ZFP82: variants seen among roughly 807,000 people sequenced by gnomAD.
ZFP82 encodes the protein zinc finger protein 82 homolog.
ZFP82 carries 30 observed loss-of-function variants against 54.0 expected under a neutral mutation model. The ratio of observed to expected loss-of-function variants is 0.56; its 90% confidence interval spans 0.42 to 0.75. The LOEUF (loss-of-function observed/expected upper bound fraction) is 0.75. ZFP82 is among the 30% of genes least tolerant of loss of function. The pLI is 0.00. For missense variants in ZFP82, 500 were observed against 636.8 expected (o/e 0.79, Z 2.31); for synonymous variants, 194 against 209.5 (o/e 0.93, Z 0.64).
In ZFP82 at chr19:36,391,300, T is replaced by C. The variant is rs2032195395; in HGVS notation, c.*1441A>G. 1 of 152,124 alleles carries C rather than the reference T, an allele frequency of 6.6e-6. No homozygotes were observed. Among genetic ancestry groups the C allele is most frequent in the Non-Finnish European group, 1.5e-5 (1 of 67,978 alleles). 9.4% of individuals were successfully genotyped at this position (152,124 alleles called of 1,614,324 possible). On this transcript the variant is annotated 3_prime_UTR_variant, in exon 5 of 5. Coordinates refer to ENST00000392161, the MANE Select transcript of ZFP82 (RefSeq NM_133466.4). ...TGATAAAAGGACACAGGAGCCAATT[T>C]GAGGGGATTGCCTCAAAATGCTAAA... is the stretch of plus-strand genomic sequence containing the variant.
rs1235707625 is a variant in ZFP82 at position 36,391,292 on chromosome 19, A to G, written c.*1449T>C. On this transcript the variant is annotated 3_prime_UTR_variant, in exon 5 of 5. Transcript: ENST00000392161. Reference sequence around the variant, plus strand: ...AGTGGTCATGATAAAAGGACACAGGAGCCAATTTGAGGGGATTGCCTCAAA... The same window carrying G: ...AGTGGTCATGATAAAAGGACACAGGGGCCAATTTGAGGGGATTGCCTCAAA... 1.3e-5 allele frequency: 2 copies of G among 152,074 alleles called. No homozygotes were observed. The highest frequency in any genetic ancestry group is 3.9e-4 in the East Asian group (2 of 5,170). 9.4% of individuals were successfully genotyped at this position (152,074 alleles called of 1,614,324 possible). A position where few individuals can be genotyped will look rare whatever the true frequency, so the allele number is the denominator to read the frequency against.
downstream of ZFP82, among the ~76,000 whole-genome samples, chr19:36,388,146 C>G (rs1000423882): frequency 6.6e-6 from 1 of 152,132 alleles, no homozygotes; most frequent in Non-Finnish European, 1.5e-5. Flanking sequence ...TAAATGAGAA[C>G]AGGCCAGGCC....
chr19:36,416,878 GC>G (rs2145604564), intron 1 of ZFP82, among the ~76,000 whole-genome samples: 1 of 151,504 alleles, frequency 6.6e-6, no homozygotes, highest in South Asian at 2.1e-4. Flanking sequence ...TTTGAGACCA[GC>G]CTGGCCAACA....
At chr19:36,407,155 C>A (rs1051942485) in intron 3 of ZFP82, among the ~76,000 whole-genome samples, 1 of 145,214 alleles carries the variant, frequency 6.9e-6, no homozygotes, top group African/African-American at 2.6e-5. Flanking sequence ...CAGCTCACTG[C>A]AAGCTCCGCC....
At chr19:36,394,999 A>C (rs2145581266) in intron 4 of ZFP82, 1 of 152,342 alleles carries the variant, frequency 6.6e-6, no homozygotes, top group East Asian at 1.9e-4. Flanking sequence ...CCATAGCTAC[A>C]TACTTGTTCT....
chr19:36,388,251 A>G (rs1226788201), downstream of ZFP82, among the ~76,000 whole-genome samples: 1 of 152,146 alleles, frequency 6.6e-6, no homozygotes, highest in Non-Finnish European at 1.5e-5. Flanking sequence ...ATGTTTGCAT[A>G]TATCTTAAGT....
At chr19:36,417,681 GTGT>G (rs1164919300) in intron 1 of ZFP82, among the ~76,000 whole-genome samples, 1 of 152,148 alleles carries the variant, frequency 6.6e-6, no homozygotes, top group East Asian at 1.9e-4. Flanking sequence ...AAGAGAGATG[GTGT>G]TGTTAACTCT....
In ZFP82 at chr19:36,390,867, C is replaced by G. The variant is rs2032187258; in HGVS notation, c.*1874G>C. On this transcript the variant is annotated 3_prime_UTR_variant, in exon 5 of 5. Transcript: ENST00000392161. ...CACTGCAAGCTCCGCCTCCCGGGTT[C>G]AAGCCATTCTCCTGCCTCAGCCTCC... 6.6e-6 allele frequency: 1 copy of G among 152,212 alleles called. No individual in the cohort carries two copies. The highest frequency in any genetic ancestry group is 2.4e-5 in the African/African-American group (1 of 41,442). 9.4% of individuals were successfully genotyped at this position (152,212 alleles called of 1,614,324 possible).
rs1164026321 is a variant in ZFP82 at position 36,390,019 on chromosome 19, G to A, written c.*2722C>T. ...TAAGCTTACCAGTGTGCCTACCCCT[G>A]CCTTGTCCATTCCTTCCCATGAAAA... On this transcript the variant is annotated 3_prime_UTR_variant, in exon 5 of 5. Coordinates refer to ENST00000392161, the MANE Select transcript of ZFP82 (RefSeq NM_133466.4). Among the ~76,000 whole-genome samples the A allele has an allele frequency of 1.3e-5, 2 of 152,064 alleles. No individual in the cohort carries two copies. Among genetic ancestry groups the A allele is most frequent in the Non-Finnish European group, 2.9e-5 (2 of 68,016 alleles).
chr19:36,405,721 C>A lies in ZFP82; in HGVS notation c.137-49G>T. ...AGGTACATGAAAATAAAAAATAAATCAAAATTACTTTGATTCAGTCTTGGT... is the reference window on the plus strand; with the variant it reads ...AGGTACATGAAAATAAAAAATAAATAAAAATTACTTTGATTCAGTCTTGGT... On this transcript the variant is annotated intron_variant, in intron 3 of 4. Coordinates refer to ENST00000392161, the MANE Select transcript of ZFP82 (RefSeq NM_133466.4). 4 of 1,385,856 alleles carry A rather than the reference C, an allele frequency of 2.9e-6. No homozygotes were observed. The South Asian group carries it at 4.3e-5, about 15-fold the overall frequency. 85.8% of individuals were successfully genotyped at this position (1,385,856 alleles called of 1,614,324 possible). A position where few individuals can be genotyped will look rare whatever the true frequency, so the allele number is the denominator to read the frequency against.
chr19:36,399,547 C>T (rs145973871), intron 4 of ZFP82, among the ~76,000 whole-genome samples: 3 of 152,290 alleles, frequency 2.0e-5, no homozygotes, highest in Admixed American at 6.5e-5. Context: ...CAGCCACAGT[C>T]GCAGGCCCAG....
At chr19:36,404,716 A>G (rs969702181) in intron 4 of ZFP82, among the ~76,000 whole-genome samples, 7 of 152,214 alleles carry the variant, frequency 4.6e-5, no homozygotes, top group Admixed American at 3.9e-4. Flanking sequence ...AACATTCAGC[A>G]TACATTTCTG....
chr19:36,404,542 A>G (rs1038597142), intron 4 of ZFP82, among the ~76,000 whole-genome samples: 3 of 152,124 alleles, frequency 2.0e-5, no homozygotes, highest in African/African-American at 4.8e-5. Flanking sequence ...TGTGTCCTAC[A>G]TTTACCCTTT....
chr19:36,393,908 T>A lies in ZFP82; in HGVS notation c.432A>T (p.Pro144=). The change falls in exon 5 of 5, where the codon CCA becomes CCT. Residue 144 remains proline, a synonymous_variant. Transcript: ENST00000392161. ...TCTGGTAAGAGGACACCTTTTCAGA[T>A]GGCATTTTCACACTACTGAAGTATC... ...QEGYFSSVKM[P]SEKVSSYQKR... 1.2e-6 allele frequency: 2 copies of A among 1,614,204 alleles called. No homozygotes were observed. Among genetic ancestry groups the A allele is most frequent in the African/African-American group, 2.7e-5 (2 of 75,044 alleles).
chr19:36,410,447 G>GTGTGTGTGTGTGTGTT (rs1228786569), intron 1 of ZFP82, among the ~76,000 whole-genome samples: 1 of 151,316 alleles, frequency 6.6e-6, no homozygotes, highest in African/African-American at 2.4e-5. Flanking sequence ...GTGTGTGTGT[G>GTGTGTGTGTGTGTGTT]TGTATATGTG....
At chr19:36,385,824 T>C (rs2032108875), downstream of ZFP82, among the ~76,000 whole-genome samples, 1 of 152,180 alleles carries the variant, frequency 6.6e-6, no homozygotes, top group African/African-American at 2.4e-5. Flanking sequence ...AATGAACTAA[T>C]ATGTGGTGGA....
intron 4 of ZFP82, 111 bp from the exon 5 acceptor site, chr19:36,394,221 A>C (rs778365989): frequency 1.1e-5 from 11 of 1,012,546 alleles, no homozygotes; most frequent in Admixed American, 2.7e-5. Flanking sequence ...AAAACTCTAA[A>C]ATATTGTTAT....
At chr19:36,407,491 A>G (rs1046781689) in intron 3 of ZFP82, among the ~76,000 whole-genome samples, 2 of 152,238 alleles carry the variant, frequency 1.3e-5, no homozygotes, top group South Asian at 2.1e-4. Flanking sequence ...TTACCACTAC[A>G]TAAATCATAT....
chr19:36,415,726 T>C (rs2032658434), intron 1 of ZFP82, among the ~76,000 whole-genome samples: 1 of 152,174 alleles, frequency 6.6e-6, no homozygotes, highest in African/African-American at 2.4e-5. Context: ...AAAACAGAGT[T>C]GTGAAGAAGG....
Sources: allele counts gnomAD v4.1 joint callset (sites outside exome capture counted in the v4.1 genomes callset), GRCh38; gene constraint gnomAD v4.1.1; transcripts MANE v1.5; gene names NCBI Gene and HGNC (gene_info 2026-07-23, HGNC 2026-07-21).